DIAPH2: variants seen among roughly 807,000 people sequenced by gnomAD.
The protein encoded by DIAPH2 is protein diaphanous homolog 2.
Under a neutral mutation model 92.7 loss-of-function variants are expected in DIAPH2, and 35 were observed. The observed-to-expected ratio is 0.38, with a 90% CI of 0.29 to 0.50. The LOEUF (loss-of-function observed/expected upper bound fraction) is 0.50, where lower values mean the gene tolerates loss of function less well. DIAPH2 is among the 20% of genes least tolerant of loss of function. The pLI, the probability that DIAPH2 is intolerant of heterozygous loss-of-function variation, is 0.94. For synonymous variants in DIAPH2, 301 were observed against 280.4 expected (o/e 1.07, Z -0.73); for missense variants, 701 against 819.5 (o/e 0.86, Z 1.77).
chrX:97,089,562 A>C (rs962151378), intron 19 of DIAPH2, among the ~76,000 whole-genome samples: 1 of 111,247 alleles, frequency 9.0e-6, no homozygotes, highest in Admixed American at 9.5e-5. Context: ...TATGCTACTT[A>C]ATCATTTTAT....
At chrX:97,362,547 T>C (rs2069336277) in intron 24 of DIAPH2, among the ~76,000 whole-genome samples, 1 of 112,592 alleles carries the variant, frequency 8.9e-6, no homozygotes, top group African/African-American at 3.2e-5. Flanking sequence ...GACATTCTGC[T>C]TTTCTAATTT....
intron 22 of DIAPH2, among the ~76,000 whole-genome samples, chrX:97,145,282 C>CAGTAGTAGGAGT (rs2067237226): frequency 1.1e-5 from 1 of 92,105 alleles, no homozygotes; most frequent in Non-Finnish European, 2.1e-5. Flanking sequence ...GAACTACTAC[C>CAGTAGTAGGAGT]AGTAGTAGTA....
At chrX:96,753,612 CA>C (rs1055006777) in intron 3 of DIAPH2, among the ~76,000 whole-genome samples, 2 of 112,105 alleles carry the variant, frequency 1.8e-5, no homozygotes, top group Admixed American at 1.9e-4. Flanking sequence ...TATCTCTAGT[CA>C]CTTAAATTAC....
chrX:97,343,830 T>A (rs1324007981), intron 23 of DIAPH2, among the ~76,000 whole-genome samples: 1 of 110,556 alleles, frequency 9.0e-6, no homozygotes, highest in African/African-American at 3.3e-5. Context: ...AAAAGAAAAA[T>A]AAAGGAGTTA....
intron 17 of DIAPH2, among the ~76,000 whole-genome samples, chrX:96,965,915 T>A (rs1366461800): frequency 9.0e-6 from 1 of 111,374 alleles, no homozygotes; most frequent in East Asian, 2.8e-4. Context: ...ATTGTAGAAG[T>A]GATAGTTTAG....
At chrX:97,275,024 T>G (rs2068427107) in intron 23 of DIAPH2, among the ~76,000 whole-genome samples, 1 of 110,666 alleles carries the variant, frequency 9.0e-6, no homozygotes, top group East Asian at 2.9e-4. Context: ...CAAAATGGAG[T>G]CTCCCATGTC....
At chrX:96,939,668 A>ATTATTTTTTTTTTTT (rs2065689430) in intron 12 of DIAPH2, among the ~76,000 whole-genome samples, 1 of 48,246 alleles carries the variant, frequency 2.1e-5, no homozygotes, top group Admixed American at 2.0e-4. Flanking sequence ...TTTAGGTAAC[A>ATTATTTTTTTTTTTT]TTTTTTTTTT....
At chrX:96,906,002 G>A (rs1356319315) in intron 5 of DIAPH2, among the ~76,000 whole-genome samples, 1 of 112,091 alleles carries the variant, frequency 8.9e-6, no homozygotes, top group Non-Finnish European at 1.9e-5. Flanking sequence ...GGCGGCAGGC[G>A]CCTGTAGTCC....
intron 17 of DIAPH2, among the ~76,000 whole-genome samples, chrX:97,020,803 A>G (rs765569523): frequency 8.9e-6 from 1 of 111,873 alleles, no homozygotes; most frequent in East Asian, 2.8e-4. Context: ...GTGGTACACA[A>G]TTTAAAACTT....
intron 17 of DIAPH2, among the ~76,000 whole-genome samples, chrX:97,062,140 G>A (rs1031188357): frequency 5.4e-5 from 6 of 111,304 alleles, no homozygotes; most frequent in African/African-American, 2.0e-4. Context: ...AAAATTAACG[G>A]AGTGTACCTT....
At position 97,471,987 on chromosome X, in the gene DIAPH2, C is replaced by G. The variant is rs139368587; in HGVS notation, c.3241+42242C>G. On this transcript the variant is annotated intron_variant, in intron 26 of 26. Coordinates refer to ENST00000324765, the MANE Select transcript of DIAPH2 (RefSeq NM_006729.5). ...CTGCATGCTATTTCCTTACAATGTTCCCTTTCACTTAGGGGCTCATGCAAA... is the reference window on the plus strand; with the variant it reads ...CTGCATGCTATTTCCTTACAATGTTGCCTTTCACTTAGGGGCTCATGCAAA... 6.3e-5 allele frequency among the ~76,000 whole-genome samples: 7 copies of G among 111,778 alleles called. No homozygotes were observed. In the East Asian group the frequency reaches 2.0e-3, roughly 31 times the overall value.
At chrX:97,296,303 AC>A (rs1362632193) in intron 23 of DIAPH2, among the ~76,000 whole-genome samples, 1 of 111,525 alleles carries the variant, frequency 9.0e-6, no homozygotes, top group African/African-American at 3.3e-5. Flanking sequence ...TTTCCCTACT[AC>A]CCTTCATTTA....
At chrX:96,876,262 A>T (rs2065177933) in intron 4 of DIAPH2, among the ~76,000 whole-genome samples, 1 of 111,483 alleles carries the variant, frequency 9.0e-6, no homozygotes, top group African/African-American at 3.3e-5. Flanking sequence ...AGGAAACAAC[A>T]GGTGCTGGAG....
intron 9 of DIAPH2, among the ~76,000 whole-genome samples, chrX:96,922,304 T>C (rs1176613739): frequency 9.0e-6 from 1 of 111,459 alleles, no homozygotes; most frequent in East Asian, 2.8e-4. Context: ...AGTCTTCTCT[T>C]CTTCCTGTGT....
intron 5 of DIAPH2, chrX:96,884,261 C>A: frequency 1.8e-6 from 2 of 1,119,664 alleles, no homozygotes; most frequent in Non-Finnish European, 1.2e-6. Flanking sequence ...GTCCGTGGAG[C>A]CCCAGACGAG....
intron 17 of DIAPH2, among the ~76,000 whole-genome samples, chrX:96,975,117 G>A (rs1038431975): frequency 8.9e-6 from 1 of 111,740 alleles, no homozygotes; most frequent in Non-Finnish European, 1.9e-5. Context: ...GCATATAAAT[G>A]TCATTTTGCA....
At chrX:97,538,920 T>C (rs2071117828) in intron 26 of DIAPH2, among the ~76,000 whole-genome samples, 1 of 112,497 alleles carries the variant, frequency 8.9e-6, no homozygotes, top group Non-Finnish European at 1.9e-5. Context: ...TTCTGTATCT[T>C]AATACTACTG....
At chrX:97,035,640 A>G (rs1346467252) in intron 17 of DIAPH2, among the ~76,000 whole-genome samples, 1 of 111,993 alleles carries the variant, frequency 8.9e-6, no homozygotes, top group Non-Finnish European at 1.9e-5. Context: ...GATAGTTGAA[A>G]GGCTTGGATT....
At chrX:96,826,238 G>A (rs1194027688) in intron 4 of DIAPH2, among the ~76,000 whole-genome samples, 1 of 110,128 alleles carries the variant, frequency 9.1e-6, no homozygotes, top group Non-Finnish European at 1.9e-5. Context: ...CCAAAATGGT[G>A]AAACCCCATT....
Sources: gnomAD v4.1 joint callset for allele counts (sites outside exome capture counted in the v4.1 genomes callset) on GRCh38, gnomAD v4.1.1 for gene constraint, MANE v1.5 for transcripts, NCBI Gene and HGNC (gene_info 2026-07-23, HGNC 2026-07-21) for gene names.